Variants in CDIN1 observed in about 807,000 individuals in gnomAD.
The protein encoded by CDIN1 is CDAN1-interacting nuclease 1.
CDIN1 carries 33 observed loss-of-function variants against 45.3 expected under a neutral mutation model. The observed-to-expected ratio is 0.73, with a 90% CI of 0.55 to 0.97. The LOEUF is 0.97. CDIN1 is among the 50% of genes least tolerant of loss of function. The pLI is 0.00. For missense variants in CDIN1, 303 were observed against 339.4 expected (o/e 0.89, Z 0.84); for synonymous variants, 118 against 124.4 (o/e 0.95, Z 0.34).
At chr15:36,787,363 A>G (rs1035694158) in intron 10 of CDIN1, among the ~76,000 whole-genome samples, 1 of 152,232 alleles carries the variant, frequency 6.6e-6, no homozygotes, top group Non-Finnish European at 1.5e-5. Context: ...TAGCTTTTCA[A>G]GCATTTCAGT....
chr15:36,634,018 C>A (rs1414671654), intron 1 of CDIN1, among the ~76,000 whole-genome samples: 1 of 151,902 alleles, frequency 6.6e-6, no homozygotes, highest in Non-Finnish European at 1.5e-5. Context: ...TCCCAAAGTG[C>A]TGGGATTACA....
At chr15:36,763,555 T>A (rs948141963) in intron 10 of CDIN1, among the ~76,000 whole-genome samples, 1 of 152,096 alleles carries the variant, frequency 6.6e-6, no homozygotes, top group African/African-American at 2.4e-5. Flanking sequence ...AATCCCCACT[T>A]CTCTGCCATC....
chr15:36,769,585 T>C (rs567068820), intron 10 of CDIN1, among the ~76,000 whole-genome samples: 11 of 152,338 alleles, frequency 7.2e-5, no homozygotes, highest in African/African-American at 2.6e-4. Flanking sequence ...AGCATTTGGT[T>C]AAATAACTGG....
At chr15:36,700,787 ATAAT>A (rs2042602674) in intron 8 of CDIN1, among the ~76,000 whole-genome samples, 1 of 151,988 alleles carries the variant, frequency 6.6e-6, no homozygotes, top group Admixed American at 6.6e-5. Flanking sequence ...CTTTCCAAGG[ATAAT>A]TAATTTAGAA....
At chr15:36,654,203 AG>A in intron 4 of CDIN1, 45 bp downstream of exon 4, 1 of 1,466,864 alleles carries the variant, frequency 6.8e-7, no homozygotes. Flanking sequence ...GTGTAACCTA[AG>A]GGGCCTATCT....
At chr15:36,613,589 C>G (rs558569502) in intron 1 of CDIN1, 115 of 1,472,556 alleles carry the variant, frequency 7.8e-5, no homozygotes, top group Non-Finnish European at 1.0e-4. Context: ...GGGAGAAAGG[C>G]GGGCCCGGGA....
chr15:36,628,222 C>T (rs1405599977), intron 1 of CDIN1, among the ~76,000 whole-genome samples: 1 of 152,006 alleles, frequency 6.6e-6, no homozygotes, highest in African/African-American at 2.4e-5. Flanking sequence ...CAGTTTTTCC[C>T]CCCTGCCCTG....
intron 10 of CDIN1, among the ~76,000 whole-genome samples, chr15:36,722,787 A>G (rs923917968): frequency 6.6e-6 from 1 of 152,204 alleles, no homozygotes; most frequent in African/African-American, 2.4e-5. Context: ...TGCAATTCGC[A>G]TGTCTCGTAC....
intron 1 of CDIN1, among the ~76,000 whole-genome samples, chr15:36,629,904 G>C (rs62002292): frequency 0.1 from 15,852 of 152,130 alleles, 894 homozygotes; most frequent in Middle Eastern, 0.16. Context: ...TTTTGTATAT[G>C]TGCATACATA....
At chr15:36,612,698 G>C (rs979437554) in intron 1 of CDIN1, among the ~76,000 whole-genome samples, 2 of 152,100 alleles carry the variant, frequency 1.3e-5, no homozygotes, top group Non-Finnish European at 2.9e-5. Context: ...ACTATGTCAG[G>C]ACTTGTATAT....
Position 36,582,265 on chromosome 15 carries a change from TCAAA to T in CDIN1, c.101+2307_101+2310del, listed in dbSNP as rs529993260. Among the ~76,000 whole-genome samples the T allele has an allele frequency of 4.0e-3, 606 of 152,364 alleles. 4 individuals are homozygous for T. The highest frequency in any genetic ancestry group is 0.014 in the African/African-American group (577 of 41,578). On this transcript the variant is annotated intron_variant, in intron 1 of 10. Coordinates refer to ENST00000566621, the MANE Select transcript of CDIN1 (RefSeq NM_001321759.2). ...CTAGAAAAAGTAGCTAGTTCAGCTCTCAAACAGTCATACAAGTGCTTTCCTGGGA... is the reference window on the plus strand; with the variant it reads ...CTAGAAAAAGTAGCTAGTTCAGCTCTCAGTCATACAAGTGCTTTCCTGGGA...
chr15:36,587,500 C>T (rs2037361330), intron 1 of CDIN1, among the ~76,000 whole-genome samples: 1 of 152,036 alleles, frequency 6.6e-6, no homozygotes. Flanking sequence ...GGAGTCCAAT[C>T]TGGTAAGGAG....
Position 36,709,960 on chromosome 15 carries a change from A to G in CDIN1, c.715A>G (p.Arg239Gly). 6.3e-7 allele frequency: 1 copy of G among 1,599,950 alleles called. No individual in the cohort carries two copies. Among genetic ancestry groups the G allele is most frequent in the Non-Finnish European group, 8.5e-7 (1 of 1,169,866 alleles). Residue 239 changes from arginine (R) to glycine (G), a missense_variant and splice_region_variant, in exon 10 of 11, where the codon AGA (arginine) becomes GGA (glycine). Physicochemically the swap from Arg to Gly is moderately radical, Grantham distance 125. Transcript: ENST00000566621. ...TGACCAGTTCTGGAGCTACTGGAAT[A>G]GGTAAGGTCTCATTATTTTTCTTTT... The part of the protein sequence containing the change: ...LHDQFWSYWN[R>G]FGPGLVIYWY...
chr15:36,792,897 C>T (rs2054683960), intron 10 of CDIN1, among the ~76,000 whole-genome samples: 1 of 152,120 alleles, frequency 6.6e-6, no homozygotes, highest in South Asian at 2.1e-4. Flanking sequence ...CTCATCAGCC[C>T]CATTCCCACT....
At chr15:36,687,844 T>A (rs2042115043) in intron 5 of CDIN1, among the ~76,000 whole-genome samples, 1 of 152,046 alleles carries the variant, frequency 6.6e-6, no homozygotes, top group Non-Finnish European at 1.5e-5. Flanking sequence ...CAAAAATTGA[T>A]CACATATAAA....
intron 3 of CDIN1, among the ~76,000 whole-genome samples, chr15:36,653,196 T>C (rs1022506926): frequency 1.3e-5 from 2 of 152,142 alleles, no homozygotes; most frequent in African/African-American, 2.4e-5. Context: ...TACAGGGTAT[T>C]CCTCGATTGC....
chr15:36,580,369 C>T (rs1390292394), intron 1 of CDIN1, among the ~76,000 whole-genome samples: 1 of 152,092 alleles, frequency 6.6e-6, no homozygotes, highest in Non-Finnish European at 1.5e-5. Flanking sequence ...CCGTTGGAAA[C>T]AAACAAGGGA....
At chr15:36,640,364 G>A (rs2040060163) in intron 1 of CDIN1, among the ~76,000 whole-genome samples, 1 of 152,108 alleles carries the variant, frequency 6.6e-6, no homozygotes, top group Admixed American at 6.5e-5. Flanking sequence ...ATTCTTCACA[G>A]GTTTAGAGAG....
intron 1 of CDIN1, among the ~76,000 whole-genome samples, chr15:36,622,470 C>A (rs1284024866): frequency 1.3e-5 from 2 of 152,162 alleles, no homozygotes; most frequent in Non-Finnish European, 2.9e-5. Flanking sequence ...CAGGGCCCAG[C>A]AGTCAGGATA....
Sources: gnomAD v4.1 joint callset for allele counts (sites outside exome capture counted in the v4.1 genomes callset) on GRCh38, gnomAD v4.1.1 for gene constraint, MANE v1.5 for transcripts, NCBI Gene and HGNC (gene_info 2026-07-23, HGNC 2026-07-21) for gene names.